The following ZNF205 variants were observed in gnomAD, a reference collection of about 807,000 sequenced individuals.
ZNF205 encodes the protein zinc finger protein 205.
ZNF205 carries 32 observed loss-of-function variants against 53.6 expected under a neutral mutation model. That is an observed-to-expected ratio of 0.60 (90% CI 0.45 to 0.80). The LOEUF is 0.80. Ranked by LOEUF, ZNF205 falls within the 30% of genes least tolerant of loss-of-function variation. The pLI is 0.00. For missense variants in ZNF205, 836 were observed against 782.4 expected (o/e 1.07, Z -0.82); for synonymous variants, 382 against 334.3 (o/e 1.14, Z -1.56).
chr16:3,120,434 G>A lies in ZNF205; in HGVS notation c.*109G>A. Reference sequence around the variant, plus strand: ...CTCGGGAAGGGAGCTGGGGCGGTGAGGGCATGGGGTGAGGCATGGCGATGG... The same window carrying A: ...CTCGGGAAGGGAGCTGGGGCGGTGAAGGCATGGGGTGAGGCATGGCGATGG... On this transcript the variant is annotated 3_prime_UTR_variant, in exon 7 of 7. Coordinates refer to ENST00000219091, the MANE Select transcript of ZNF205 (RefSeq NM_001042428.2). 1 of 1,286,968 alleles carries A rather than the reference G, an allele frequency of 7.8e-7. No individual in the cohort carries two copies. The highest frequency in any genetic ancestry group is 1.0e-6 in the Non-Finnish European group (1 of 964,770). The allele number at this position is 1,286,968 out of a possible 1,614,324, so 79.7% of individuals were successfully genotyped here. A position where few individuals can be genotyped will look rare whatever the true frequency, so the allele number is the denominator to read the frequency against.
At position 3,115,813 on chromosome 16, in the gene ZNF205, C is replaced by G. The variant is rs549817780; in HGVS notation, c.272-16C>G. On this transcript the variant is annotated splice_polypyrimidine_tract_variant and intron_variant, in intron 3 of 6. Coordinates refer to ENST00000219091, the MANE Select transcript of ZNF205 (RefSeq NM_001042428.2). ...AGGATGAGCTGATCACCGTGAGGAC[C>G]TCTCTCCTCCCACAGCCCTCCCCTC... The G allele has an allele frequency of 6.2e-7, 1 of 1,605,830 alleles. No individual in the cohort carries two copies. The highest frequency in any genetic ancestry group is 2.2e-5 in the East Asian group (1 of 44,802).
At chr16:3,112,984 G>A in intron 1 of ZNF205, 1 of 209,172 alleles carries the variant, frequency 4.8e-6, no homozygotes, top group Non-Finnish European at 9.6e-6. Context: ...TGGGGTCGGG[G>A]GACAGCAGGT....
intron 6 of ZNF205, 30 bp downstream of exon 6, chr16:3,119,045 G>C (rs751451077): frequency 1.4e-5 from 23 of 1,606,258 alleles, no homozygotes; most frequent in Non-Finnish European, 1.7e-6. Flanking sequence ...CTTTGTCTGC[G>C]GGAGTGGGGC....
chr16:3,116,798 G>C (rs1223511995), intron 5 of ZNF205, among the ~76,000 whole-genome samples: 1 of 152,142 alleles, frequency 6.6e-6, no homozygotes, highest in Non-Finnish European at 1.5e-5. Flanking sequence ...ACTTGGTTTT[G>C]TTTTGTTTTG....
At chr16:3,117,501 T>A (rs1211616656) in intron 5 of ZNF205, among the ~76,000 whole-genome samples, 1 of 130,664 alleles carries the variant, frequency 7.7e-6, no homozygotes. Flanking sequence ...CAGGCTGGAG[T>A]GCAGTGGCAC....
chr16:3,116,146 C>T (rs1567176554), intron 4 of ZNF205: 2 of 650,166 alleles, frequency 3.1e-6, no homozygotes, highest in African/African-American at 1.8e-5. Flanking sequence ...TCGCTGGTAG[C>T]CGTTGGGAAC....
At chr16:3,114,261 G>C (rs886702755) in intron 2 of ZNF205, among the ~76,000 whole-genome samples, 5 of 152,104 alleles carry the variant, frequency 3.3e-5, no homozygotes, top group Non-Finnish European at 7.4e-5. Context: ...GCGCACGGCG[G>C]GGGGGATTAA....
chr16:3,114,454 G>A (rs1403934058), intron 2 of ZNF205, among the ~76,000 whole-genome samples: 4 of 152,178 alleles, frequency 2.6e-5, no homozygotes, highest in South Asian at 2.1e-4. Context: ...CCTGGCCTGA[G>A]GTTCTTTCCC....
At chr16:3,116,158 G>A (rs1386902197) in intron 4 of ZNF205, 8 of 640,508 alleles carry the variant, frequency 1.2e-5, no homozygotes, top group East Asian at 8.5e-5. Context: ...GTTGGGAACC[G>A]TCCTCCGAGG....
At position 3,120,230 on chromosome 16, in the gene ZNF205, A is replaced by G; in HGVS notation, c.1570A>G (p.Lys524Glu). ...GCGCTCCAACCTGCACCGGCACGAG[A>G]AGATCCACACCACCGGGCCCAAGGC... The part of the protein sequence containing the change: ...SRRSNLHRHE[K>E]IHTTGPKALA... Residue 524 changes from lysine to glutamate, a missense_variant, in exon 7 of 7, where the codon AAG becomes GAG. Transcript: ENST00000219091. 1 of 1,608,800 alleles carries G rather than the reference A, an allele frequency of 6.2e-7. No individual in the cohort carries two copies. The highest frequency in any genetic ancestry group is 1.3e-5 in the African/African-American group (1 of 74,890).
Position 3,120,272 on chromosome 16 carries a change from C to A in ZNF205, c.1612C>A (p.Leu538Met), listed in dbSNP as rs369257695. 6.3e-7 allele frequency: 1 copy of A among 1,599,966 alleles called. No individual in the cohort carries two copies. ...GCCCAAGGCCCTGGCCATGCTGATG[C>A]TGGGGGCGGCGGCGGCGGGGGCTCT... is the stretch of plus-strand genomic sequence containing the variant. ...TGPKALAMLM[L>M]GAAAAGALAT... is the part of the protein sequence containing the mutation. Residue 538 changes from leucine to methionine, a missense_variant, in exon 7 of 7, where the codon CTG becomes ATG. By Grantham distance (15) the Leu-to-Met change is conservative (BLOSUM62 2). Transcript: ENST00000219091.
In ZNF205 at chr16:3,119,898, C is replaced by T; in HGVS notation, c.1238C>T (p.Thr413Ile). ...TCGGACTTGGTCACCCACCAGGGCA[C>T]CCACACGGGCGCCAAGCCGCACAAG... ...RRSDLVTHQG[T>I]HTGAKPHKCP... The change falls in exon 7 of 7, where the codon ACC becomes ATC. Residue 413 changes from threonine (T) to isoleucine (I), a missense_variant. Coordinates refer to ENST00000219091, the MANE Select transcript of ZNF205 (RefSeq NM_001042428.2). 9 of 1,613,526 alleles carry T rather than the reference C, an allele frequency of 5.6e-6. No individual in the cohort carries two copies. The highest frequency in any genetic ancestry group is 7.6e-6 in the Non-Finnish European group (9 of 1,179,898).
rs922079693 is a variant in ZNF205, at chr16:3,115,277, C to T, written c.58-78C>T. Reference sequence around the variant, plus strand: ...CTGCGTCTTGCATGTTGGTTTCCGACGCTGCCGGAGCGCACTGCCATGTGG... The same window carrying T: ...CTGCGTCTTGCATGTTGGTTTCCGATGCTGCCGGAGCGCACTGCCATGTGG... On this transcript the variant is annotated intron_variant, in intron 2 of 6. Transcript: ENST00000219091. 13 of 1,194,642 alleles carry T rather than the reference C, an allele frequency of 1.1e-5. No individual in the cohort carries two copies. The Admixed American group carries it at 2.7e-4, about 25-fold the overall frequency. 74.0% of individuals were successfully genotyped at this position (1,194,642 alleles called of 1,614,324 possible). A position where few individuals can be genotyped will look rare whatever the true frequency, so the allele number is the denominator to read the frequency against.
At position 3,116,047 on chromosome 16, in the gene ZNF205, G is replaced by C. The variant is rs1225156520; in HGVS notation, c.363+127G>C. The C allele has an allele frequency of 2.8e-6, 3 of 1,079,506 alleles. No homozygotes were observed. In the South Asian group the frequency reaches 4.2e-5, roughly 15 times the overall value. 66.9% of individuals were successfully genotyped at this position (1,079,506 alleles called of 1,614,324 possible). On this transcript the variant is annotated intron_variant, in intron 4 of 6. Transcript: ENST00000219091. ...CCTGAAGCCTGGGGCTCTTGCTAGT[G>C]TTGCTGGAATTGTCCAGGCTCAAGG...
Position 3,119,696 on chromosome 16 carries a change from G to A in ZNF205, c.1036G>A (p.Gly346Ser), listed in dbSNP as rs999393902. ...CTGCACTGACTGCGGGAAGCGCTTC[G>A]GCCGCAGCTCGCACCTCATCCAGCA... ...YACTDCGKRF[G>S]RSSHLIQHQI... is the part of the protein sequence containing the mutation. The change falls in exon 7 of 7, where the codon GGC (glycine) becomes AGC (serine). Residue 346 changes from glycine to serine, a missense_variant. Gly to Ser is a moderately conservative substitution (Grantham distance 56, BLOSUM62 0). Transcript: ENST00000219091. 2.5e-6 allele frequency: 4 copies of A among 1,606,082 alleles called. No homozygotes were observed. Among genetic ancestry groups the A allele is most frequent in the South Asian group, 1.1e-5 (1 of 89,984 alleles).
Position 3,119,696 on chromosome 16 carries a change from G to T in ZNF205, c.1036G>T (p.Gly346Cys), listed in dbSNP as rs999393902. The T allele has an allele frequency of 5.0e-6, 8 of 1,606,198 alleles. No individual in the cohort carries two copies. Among genetic ancestry groups the T allele is most frequent in the Non-Finnish European group, 6.8e-6 (8 of 1,177,482 alleles). ...YACTDCGKRFGRSSHLIQHQI... is the reference protein window; with the variant it reads ...YACTDCGKRFCRSSHLIQHQI... ...CTGCACTGACTGCGGGAAGCGCTTC[G>T]GCCGCAGCTCGCACCTCATCCAGCA... The change falls in exon 7 of 7, where the codon GGC (glycine) becomes TGC (cysteine). Residue 346 changes from glycine to cysteine, a missense_variant. By Grantham distance (159) the Gly-to-Cys change is radical. Coordinates refer to ENST00000219091, the MANE Select transcript of ZNF205 (RefSeq NM_001042428.2).
chr16:3,113,017 G>A lies in ZNF205; in HGVS notation c.-15+335G>A, dbSNP rs558144588. 2.7e-5 allele frequency: 6 copies of A among 219,712 alleles called. No individual in the cohort carries two copies. The South Asian group carries it at 3.7e-4, about 14-fold the overall frequency. 13.6% of individuals were successfully genotyped at this position (219,712 alleles called of 1,614,324 possible). On this transcript the variant is annotated intron_variant, in intron 1 of 6. Transcript: ENST00000219091. ...GGTCCTGGATTACCCTGGCCTTGAC[G>A]GGCGGGGCCCCACCAGCACCTGTTC...
At chr16:3,114,437 T>G in intron 2 of ZNF205, among the ~76,000 whole-genome samples, 1 of 152,264 alleles carries the variant, frequency 6.6e-6, no homozygotes, top group Middle Eastern at 3.4e-3. Flanking sequence ...ACCCAGGCAC[T>G]CTGATTCCTG....
chr16:3,119,684 G>A lies in ZNF205; in HGVS notation c.1024G>A (p.Gly342Arg), dbSNP rs1022069158. ...GAAGCCCTACGCCTGCACTGACTGC[G>A]GGAAGCGCTTCGGCCGCAGCTCGCA... ...GEKPYACTDCGKRFGRSSHLI... is the reference protein window; with the variant it reads ...GEKPYACTDCRKRFGRSSHLI... The change falls in exon 7 of 7, where the codon GGG becomes AGG. Residue 342 changes from glycine to arginine, a missense_variant. Physicochemically the swap from Gly to Arg is moderately radical, Grantham distance 125. Coordinates refer to ENST00000219091, the MANE Select transcript of ZNF205 (RefSeq NM_001042428.2). 12 of 1,613,246 alleles carry A rather than the reference G, an allele frequency of 7.4e-6. No homozygotes were observed. The highest frequency in any genetic ancestry group is 1.3e-5 in the African/African-American group (1 of 74,850).
Sources: gnomAD v4.1 joint callset for allele counts (sites outside exome capture counted in the v4.1 genomes callset) on GRCh38, gnomAD v4.1.1 for gene constraint, MANE v1.5 for transcripts, NCBI Gene and HGNC (gene_info 2026-07-23, HGNC 2026-07-21) for gene names.